Variants in EVI5 observed in about 807,000 individuals in gnomAD.
EVI5 encodes ecotropic viral integration site 5 protein homolog.
Under a neutral mutation model 112.0 loss-of-function variants are expected in EVI5, and 73 were observed. That is an observed-to-expected ratio of 0.65 (90% confidence interval 0.54 to 0.79). The LOEUF (loss-of-function observed/expected upper bound fraction) is 0.79. EVI5 is among the 30% of genes least tolerant of loss of function. The probability of loss-of-function intolerance (pLI) is 0.00; values close to 1 mark genes in which losing one functional copy is unlikely to be tolerated. For missense variants in EVI5, 900 were observed against 968.8 expected (o/e 0.93, Z 0.94); for synonymous variants, 305 against 319.9 (o/e 0.95, Z 0.50).
At chr1:92,769,893 CA>C (rs1185167113) in intron 1 of EVI5, among the ~76,000 whole-genome samples, 2 of 150,770 alleles carry the variant, frequency 1.3e-5, no homozygotes, top group Non-Finnish European at 3.0e-5. Flanking sequence ...ATCTCAACAA[CA>C]AAAAAAAGAT....
At chr1:92,700,209 G>C (rs776650687) in intron 5 of EVI5, among the ~76,000 whole-genome samples, 1 of 152,146 alleles carries the variant, frequency 6.6e-6, no homozygotes, top group Non-Finnish European at 1.5e-5. Context: ...CTGTGACTCT[G>C]AGCTGATAAG....
intron 1 of EVI5, among the ~76,000 whole-genome samples, chr1:92,761,917 A>G (rs1241276579): frequency 2.0e-5 from 3 of 148,622 alleles, no homozygotes; most frequent in Non-Finnish European, 4.4e-5. Context: ...CGCCCATGCA[A>G]TGTCTTGCAT....
chr1:92,709,398 T>C (rs865870670), intron 2 of EVI5, among the ~76,000 whole-genome samples: 1 of 152,198 alleles, frequency 6.6e-6, no homozygotes, highest in African/African-American at 2.4e-5. Context: ...TTAATGGCAC[T>C]AGGGATAGTA....
chr1:92,602,558 T>C (rs1403508716), intron 18 of EVI5, among the ~76,000 whole-genome samples: 1 of 152,138 alleles, frequency 6.6e-6, no homozygotes, highest in Non-Finnish European at 1.5e-5. Context: ...TGTACTATCA[T>C]GCCCTCAGCT....
intron 17 of EVI5, among the ~76,000 whole-genome samples, chr1:92,606,304 C>G (rs1650365920): frequency 6.6e-6 from 1 of 152,130 alleles, no homozygotes; most frequent in South Asian, 2.1e-4. Context: ...GGTACTAAGG[C>G]ATTTGAGGAG....
intron 16 of EVI5, among the ~76,000 whole-genome samples, chr1:92,614,820 C>T (rs1327016700): frequency 3.2e-5 from 4 of 124,972 alleles, no homozygotes; most frequent in African/African-American, 9.3e-5. Context: ...ATATAATATA[C>T]ATGTATTTTA....
At chr1:92,627,010 GGTTT>G (rs1036837097) in intron 14 of EVI5, among the ~76,000 whole-genome samples, 8 of 152,040 alleles carry the variant, frequency 5.3e-5, no homozygotes, top group African/African-American at 4.8e-5. Context: ...ATGGATACAA[GGTTT>G]ATTTATATTT....
chr1:92,553,550 C>T (rs1276897735), intron 19 of EVI5, among the ~76,000 whole-genome samples: 2 of 152,042 alleles, frequency 1.3e-5, no homozygotes, highest in East Asian at 1.9e-4. Context: ...ATCCCTCTGC[C>T]TCGGCCTCCC....
At chr1:92,693,958 CA>C in intron 8 of EVI5, 59 bp from the exon 9 acceptor site, 2 of 1,029,742 alleles carry the variant, frequency 1.9e-6, no homozygotes, top group Non-Finnish European at 1.5e-6. Flanking sequence ...TAGTGAAATC[CA>C]AAGACATTCA....
chr1:92,680,451 G>A (rs1377766904), intron 9 of EVI5, among the ~76,000 whole-genome samples: 1 of 152,120 alleles, frequency 6.6e-6, no homozygotes, highest in African/African-American at 2.4e-5. Flanking sequence ...TCACACTGAT[G>A]TAAATAAATG....
chr1:92,640,129 C>T (rs1465367195), intron 13 of EVI5, among the ~76,000 whole-genome samples: 2 of 152,182 alleles, frequency 1.3e-5, no homozygotes, highest in Non-Finnish European at 2.9e-5. Flanking sequence ...GGATTGAAGA[C>T]TTAAATGTAA....
At chr1:92,708,644 C>T (rs887310726) in intron 2 of EVI5, among the ~76,000 whole-genome samples, 3 of 151,958 alleles carry the variant, frequency 2.0e-5, no homozygotes, top group Non-Finnish European at 2.9e-5. Flanking sequence ...AAATTTATAT[C>T]CATCAAAAAC....
chr1:92,693,687 G>T, intron 9 of EVI5, 115 bp downstream of exon 9: 1 of 635,320 alleles, frequency 1.6e-6, no homozygotes, highest in Non-Finnish European at 2.8e-6. Context: ...ATGCTATATT[G>T]AAACCAATAC....
intron 1 of EVI5, chr1:92,773,894 G>A (rs1683769426): frequency 6.6e-6 from 1 of 151,826 alleles, no homozygotes; most frequent in South Asian, 2.1e-4. Flanking sequence ...AGCCAGGTGT[G>A]GCAGCACATA....
chr1:92,528,021 C>G (rs1201485956), intron 19 of EVI5, among the ~76,000 whole-genome samples: 4 of 152,182 alleles, frequency 2.6e-5, no homozygotes, highest in Non-Finnish European at 4.4e-5. Context: ...ACTGCCAAAC[C>G]ATTTTCCACA....
chr1:92,655,991 G>C (rs533074303), intron 13 of EVI5, among the ~76,000 whole-genome samples: 1 of 152,238 alleles, frequency 6.6e-6, no homozygotes, highest in Non-Finnish European at 1.5e-5. Context: ...CCCAATGACA[G>C]CATTAAAGAT....
chr1:92,604,485 A>G (rs536472812), intron 18 of EVI5, among the ~76,000 whole-genome samples: 4 of 152,350 alleles, frequency 2.6e-5, no homozygotes, highest in East Asian at 3.9e-4. Context: ...TTCAGGGACA[A>G]TAACACACAT....
chr1:92,577,856 C>T (rs1293094325), intron 18 of EVI5, among the ~76,000 whole-genome samples: 1 of 152,192 alleles, frequency 6.6e-6, no homozygotes, highest in Non-Finnish European at 1.5e-5. Flanking sequence ...TCATATTCCA[C>T]GGCATGGGAT....
At chr1:92,633,707 C>T (rs62200777) in intron 14 of EVI5, among the ~76,000 whole-genome samples, 3 of 152,122 alleles carry the variant, frequency 2.0e-5, no homozygotes, top group Non-Finnish European at 2.9e-5. Flanking sequence ...GAATTTGATC[C>T]TGACATTATG....
Sources: allele counts gnomAD v4.1 joint callset (sites outside exome capture counted in the v4.1 genomes callset), GRCh38; gene constraint gnomAD v4.1.1; transcripts MANE v1.5; gene names NCBI Gene and HGNC (gene_info 2026-07-23, HGNC 2026-07-21).